Variants in DUSP29 observed in about 807,000 individuals in gnomAD.
The protein encoded by DUSP29 is dual specificity phosphatase 29, also known as atypical dual-specific protein phosphatase.
DUSP29 carries 12 observed loss-of-function variants against 13.5 expected under a neutral mutation model. The ratio of observed to expected loss-of-function variants is 0.89; its 90% CI spans 0.57 to 1.44. The LOEUF is 1.44. Among genes scored for constraint, DUSP29 ranks in the 40% most tolerant of loss-of-function variants. The pLI, the probability that DUSP29 is intolerant of heterozygous loss-of-function variation, is 0.00. For missense variants in DUSP29, 308 were observed against 301.1 expected (o/e 1.02, Z -0.17); for synonymous variants, 134 against 128.7 (o/e 1.04, Z -0.28).
chr10:75,050,295 G>C (rs977795345), intron 2 of DUSP29, among the ~76,000 whole-genome samples: 1 of 152,250 alleles, frequency 6.6e-6, no homozygotes, highest in African/African-American at 2.4e-5. Flanking sequence ...GTGCTTTCGA[G>C]CGTACTCAAG....
intron 2 of DUSP29, among the ~76,000 whole-genome samples, chr10:75,044,776 G>C (rs921979175): frequency 3.9e-5 from 6 of 152,170 alleles, no homozygotes; most frequent in African/African-American, 1.4e-4. Context: ...AGCATGGTGG[G>C]GCCGGAGTGG....
chr10:75,038,513 A>T (rs1589854544), intron 3 of DUSP29, among the ~76,000 whole-genome samples: 1 of 151,912 alleles, frequency 6.6e-6, no homozygotes, highest in Non-Finnish European at 1.5e-5. Flanking sequence ...AATCCCACGG[A>T]CCTTTCTGGA....
intron 2 of DUSP29, among the ~76,000 whole-genome samples, chr10:75,050,839 G>A (rs963564738): frequency 2.0e-5 from 3 of 152,176 alleles, no homozygotes; most frequent in African/African-American, 4.8e-5. Flanking sequence ...CCACCCCTTC[G>A]ACCCCTCTGC....
Position 75,055,459 on chromosome 10 carries a change from GAAA to G in DUSP29, c.200+2853_200+2855del, listed in dbSNP as rs201548089. Among the ~76,000 whole-genome samples the G allele has an allele frequency of 9.6e-3, 1,455 of 152,228 alleles. 79 individuals are homozygous for G. Among genetic ancestry groups the G allele is most frequent in the Admixed American group, 0.089 (1,357 of 15,292 alleles). Reference sequence around the variant, plus strand: ...TACAAGTACAATTTGGATGAACCTGGAAAACATTATACAAAGTAAAAGAAAGCC... The same window carrying G: ...TACAAGTACAATTTGGATGAACCTGGACATTATACAAAGTAAAAGAAAGCC... On this transcript the variant is annotated intron_variant, in intron 2 of 3. Coordinates refer to ENST00000338487, the MANE Select transcript of DUSP29 (RefSeq NM_001003892.3).
At chr10:75,062,545 G>C (rs996088657) in intron 1 of DUSP29, among the ~76,000 whole-genome samples, 1 of 152,236 alleles carries the variant, frequency 6.6e-6, no homozygotes, top group Non-Finnish European at 1.5e-5. Flanking sequence ...GGCACGCAGA[G>C]TGAGCCCTGG....
At chr10:75,061,525 C>T (rs917791559) in intron 1 of DUSP29, among the ~76,000 whole-genome samples, 18 of 152,166 alleles carry the variant, frequency 1.2e-4, no homozygotes, top group African/African-American at 3.6e-4. Context: ...CTCGTAGGGG[C>T]GCAGGCATCT....
chr10:75,040,916 C>T (rs967219438), intron 3 of DUSP29, among the ~76,000 whole-genome samples: 6 of 152,246 alleles, frequency 3.9e-5, no homozygotes, highest in Admixed American at 1.3e-4. Context: ...TTACAGCCCA[C>T]GAGTACAGCT....
intron 2 of DUSP29, among the ~76,000 whole-genome samples, chr10:75,049,138 T>G (rs941777399): frequency 8.5e-5 from 13 of 152,256 alleles, no homozygotes; most frequent in African/African-American, 3.1e-4. Context: ...GTTTTTGTCT[T>G]TCTACATTTT....
At chr10:75,051,713 C>A (rs1282627903) in intron 2 of DUSP29, among the ~76,000 whole-genome samples, 1 of 152,190 alleles carries the variant, frequency 6.6e-6, no homozygotes, top group Non-Finnish European at 1.5e-5. Flanking sequence ...AAAAACCTAA[C>A]CGAAATGTAA....
At chr10:75,066,182 C>T (rs942494899) in intron 1 of DUSP29, among the ~76,000 whole-genome samples, 5 of 152,244 alleles carry the variant, frequency 3.3e-5, no homozygotes, top group African/African-American at 4.8e-5. Context: ...GGGGGCCCTG[C>T]GGCAGGACTG....
intron 1 of DUSP29, among the ~76,000 whole-genome samples, chr10:75,059,425 A>G (rs1847039770): frequency 6.6e-6 from 1 of 152,218 alleles, no homozygotes; most frequent in Non-Finnish European, 1.5e-5. Context: ...AAAGGTGGGA[A>G]GACTGAGAAC....
intron 1 of DUSP29, among the ~76,000 whole-genome samples, chr10:75,059,472 A>G (rs1847040462): frequency 6.6e-6 from 1 of 152,196 alleles, no homozygotes. Flanking sequence ...TTATTTGACA[A>G]ATACTTATAT....
chr10:75,067,103 G>A (rs967928678), intron 1 of DUSP29, among the ~76,000 whole-genome samples: 1 of 151,588 alleles, frequency 6.6e-6, no homozygotes. Context: ...ACGACTACAG[G>A]TGTGTGCCAC....
At chr10:75,071,932 C>T (rs549398516) in intron 1 of DUSP29, among the ~76,000 whole-genome samples, 186 of 152,316 alleles carry the variant, frequency 1.2e-3, no homozygotes, top group Middle Eastern at 6.8e-3. Context: ...AAGATCACGC[C>T]GACAGGCACT....
intron 1 of DUSP29, among the ~76,000 whole-genome samples, chr10:75,071,083 A>T (rs545078480): frequency 6.6e-6 from 1 of 152,332 alleles, no homozygotes; most frequent in African/African-American, 2.4e-5. Context: ...AATGAGAGGC[A>T]CCAGAGCAAA....
chr10:75,064,254 A>T (rs1167724773), intron 1 of DUSP29, among the ~76,000 whole-genome samples: 3 of 152,080 alleles, frequency 2.0e-5, no homozygotes, highest in Admixed American at 6.6e-5. Context: ...TCACGCCTGT[A>T]ATCCCAGCAC....
At chr10:75,059,824 A>G (rs1847048318) in intron 1 of DUSP29, among the ~76,000 whole-genome samples, 1 of 152,222 alleles carries the variant, frequency 6.6e-6, no homozygotes, top group African/African-American at 2.4e-5. Context: ...AAAAATAAAA[A>G]TAATTCCAGT....
intron 2 of DUSP29, among the ~76,000 whole-genome samples, chr10:75,044,413 A>T (rs1237492770): frequency 6.6e-6 from 1 of 152,002 alleles, no homozygotes; most frequent in African/African-American, 2.4e-5. Flanking sequence ...CTCTGCTCTG[A>T]ACCTGCTGGA....
chr10:75,061,129 C>T (rs1403958711), intron 1 of DUSP29, among the ~76,000 whole-genome samples: 27 of 152,070 alleles, frequency 1.8e-4, no homozygotes, highest in Admixed American at 1.8e-3. Flanking sequence ...AGTGATCCTC[C>T]CACCTCAGCT....
Sources: allele counts gnomAD v4.1 joint callset (sites outside exome capture counted in the v4.1 genomes callset), GRCh38; gene constraint gnomAD v4.1.1; transcripts MANE v1.5; gene names NCBI Gene and HGNC (gene_info 2026-07-23, HGNC 2026-07-21).